The following NKAIN3 variants were observed in gnomAD, a reference collection of about 807,000 sequenced individuals.
NKAIN3 encodes the protein sodium/potassium-transporting ATPase subunit beta-1-interacting protein 3.
A neutral mutation model predicts 30.2 loss-of-function variants in NKAIN3; 25 were observed. The observed-to-expected ratio is 0.83, with a 90% confidence interval of 0.60 to 1.16. The LOEUF is 1.16. Ranked by LOEUF, NKAIN3 falls within the 50% of genes most tolerant of loss-of-function variation. The pLI, the probability that NKAIN3 is intolerant of heterozygous loss-of-function variation, is 0.00. For synonymous variants in NKAIN3, 91 were observed against 89.6 expected, an observed-to-expected ratio of 1.02 and a Z score of -0.09; for missense variants, 225 against 254.1, an observed-to-expected ratio of 0.89 and a Z score of 0.78.
intron 1 of NKAIN3, among the ~76,000 whole-genome samples, chr8:62,440,903 T>A (rs982183557): frequency 6.6e-6 from 1 of 152,124 alleles, no homozygotes; most frequent in Non-Finnish European, 1.5e-5. Flanking sequence ...ATATCCTAAT[T>A]TGTTTCGACT....
Position 62,579,640 on chromosome 8 carries a change from T to A in NKAIN3, c.156T>A (p.Phe52Leu). 1 of 1,609,204 alleles carries A rather than the reference T, an allele frequency of 6.2e-7. No homozygotes were observed. ...LHIIVVILGL[F>L]GTIQYRPRYI... ...TAATAGTTGTCATATTGGGTTTGTTTGGGACCATTCAGTACAGACCTCGAT... is the reference window on the plus strand; with the variant it reads ...TAATAGTTGTCATATTGGGTTTGTTAGGGACCATTCAGTACAGACCTCGAT... The change falls in exon 2 of 7, where the codon TTT becomes TTA. Residue 52 changes from phenylalanine to leucine, a missense_variant. Phe to Leu is a conservative substitution (Grantham distance 22). Transcript: ENST00000623646.
chr8:62,791,007 G>GGTC (rs1178165029), intron 4 of NKAIN3, among the ~76,000 whole-genome samples: 1 of 152,004 alleles, frequency 6.6e-6, no homozygotes, highest in Non-Finnish European at 1.5e-5. Context: ...GGACTAAATA[G>GGTC]GTCTTTTCTC....
At chr8:62,921,958 A>G (rs1442506860) in intron 5 of NKAIN3, among the ~76,000 whole-genome samples, 1 of 152,162 alleles carries the variant, frequency 6.6e-6, no homozygotes, top group Non-Finnish European at 1.5e-5. Flanking sequence ...TGTTGCTAGC[A>G]CTACTTCTTC....
chr8:62,377,553 T>C (rs1416762796), intron 1 of NKAIN3, among the ~76,000 whole-genome samples: 2 of 152,016 alleles, frequency 1.3e-5, no homozygotes, highest in Non-Finnish European at 2.9e-5. Context: ...AGTGATATGG[T>C]TTGGATTTCT....
chr8:62,619,071 A>G (rs1811546594), intron 3 of NKAIN3, among the ~76,000 whole-genome samples: 1 of 152,162 alleles, frequency 6.6e-6, no homozygotes, highest in Non-Finnish European at 1.5e-5. Context: ...ACTTGGAGAA[A>G]TCGGATCCTA....
At chr8:62,691,615 A>C (rs1357040813) in intron 3 of NKAIN3, among the ~76,000 whole-genome samples, 2 of 152,140 alleles carry the variant, frequency 1.3e-5, no homozygotes, top group Admixed American at 1.3e-4. Flanking sequence ...AAATTCTAAA[A>C]TCGTTAATAA....
In NKAIN3 at chr8:62,403,564, G is replaced by T. The variant is rs969098737; in HGVS notation, c.54+154437G>T. Among the ~76,000 whole-genome samples the T allele has an allele frequency of 1.3e-4, 20 of 152,332 alleles. No individual in the cohort carries two copies. The Middle Eastern group carries it at 0.014, about 104-fold the overall frequency. On this transcript the variant is annotated intron_variant, in intron 1 of 6. Coordinates refer to ENST00000623646, the MANE Select transcript of NKAIN3 (RefSeq NM_001304533.3). ...AGTTACAGCTCAGGCCATTGTTTCA[G>T]AGGGTGCAAGCCCCAAGCCTTGGCA...
At position 62,980,503 on chromosome 8, in the gene NKAIN3, A is replaced by T. The variant is rs572877464; in HGVS notation, c.*15096A>T. The T allele has an allele frequency of 3.9e-5, 6 of 152,314 alleles. No individual in the cohort carries two copies. The East Asian group carries it at 1.2e-3, about 29-fold the overall frequency. The allele number at this position is 152,314 out of a possible 1,614,324, so 9.4% of individuals were successfully genotyped here. A position where few individuals can be genotyped will look rare whatever the true frequency, so the allele number is the denominator to read the frequency against. Reference sequence around the variant, plus strand: ...AAGAGTACGACATACGTAAATGTTGATTAGCTTTCTGGTTCCTTCATCAAA... The same window carrying T: ...AAGAGTACGACATACGTAAATGTTGTTTAGCTTTCTGGTTCCTTCATCAAA... On this transcript the variant is annotated 3_prime_UTR_variant, in exon 7 of 7. Coordinates refer to ENST00000623646, the MANE Select transcript of NKAIN3 (RefSeq NM_001304533.3).
intron 1 of NKAIN3, among the ~76,000 whole-genome samples, chr8:62,525,296 GA>G (rs1808269374): frequency 6.6e-6 from 1 of 152,104 alleles, no homozygotes; most frequent in African/African-American, 2.4e-5. Flanking sequence ...TGAGTAGTGG[GA>G]GGAGGAGGAG....
chr8:62,991,363 C>G (rs1374286399), intron 5 of NKAIN3, among the ~76,000 whole-genome samples: 3 of 152,204 alleles, frequency 2.0e-5, no homozygotes, highest in African/African-American at 7.2e-5. Flanking sequence ...CTGCATGTAT[C>G]TTTAAAAACC....
intron 3 of NKAIN3, among the ~76,000 whole-genome samples, chr8:62,658,393 C>T (rs776691888): frequency 2.0e-5 from 3 of 152,138 alleles, no homozygotes; most frequent in Non-Finnish European, 4.4e-5. Flanking sequence ...ATTTTGTTTA[C>T]TTGTTTGCTT....
intron 1 of NKAIN3, among the ~76,000 whole-genome samples, chr8:62,550,425 TG>T (rs1809165409): frequency 6.6e-6 from 1 of 152,172 alleles, no homozygotes; most frequent in Admixed American, 6.6e-5. Flanking sequence ...GTGTGTGTGG[TG>T]GGGGAGGGAG....
At chr8:62,988,332 G>A (rs940023872), downstream of NKAIN3, among the ~76,000 whole-genome samples, 1 of 152,252 alleles carries the variant, frequency 6.6e-6, no homozygotes, top group Non-Finnish European at 1.5e-5. Flanking sequence ...GGCACCTTGT[G>A]TGAGGGCTCC....
chr8:62,496,299 A>G (rs561201690), intron 1 of NKAIN3, among the ~76,000 whole-genome samples: 54 of 152,214 alleles, frequency 3.5e-4, no homozygotes, highest in African/African-American at 1.3e-3. Context: ...AAACTGATGG[A>G]GCCAAGATTC....
At chr8:62,644,157 T>C (rs1419706274) in intron 3 of NKAIN3, among the ~76,000 whole-genome samples, 2 of 152,234 alleles carry the variant, frequency 1.3e-5, no homozygotes, top group African/African-American at 4.8e-5. Context: ...TGGTTCTTTC[T>C]GGCTAAACTC....
chr8:62,746,930 AG>A lies in NKAIN3; in HGVS notation c.274del. The A allele has an allele frequency of 6.3e-7, 1 of 1,595,566 alleles. No homozygotes were observed. The highest frequency in any genetic ancestry group is 8.6e-7 in the Non-Finnish European group (1 of 1,164,830). On this transcript the variant is annotated splice_acceptor_variant, in intron 3 of 6. Transcript: ENST00000623646. LOFTEE classifies it high-confidence loss of function. ...TTGCTCTTTTGTCTCCTACCCACCT[AG>A]GACACCGATCTAATGACATTCAATA...
chr8:62,695,816 C>T (rs1339929705), intron 3 of NKAIN3, among the ~76,000 whole-genome samples: 1 of 152,142 alleles, frequency 6.6e-6, no homozygotes, highest in Non-Finnish European at 1.5e-5. Flanking sequence ...TCTAAGAGCA[C>T]TGAGGGTAGT....
chr8:62,584,051 G>A (rs1417801726), intron 2 of NKAIN3, among the ~76,000 whole-genome samples: 5 of 152,082 alleles, frequency 3.3e-5, no homozygotes, highest in Admixed American at 6.6e-5. Flanking sequence ...AATGAATGTG[G>A]CATATGTCCC....
At chr8:62,711,823 C>T (rs1456582830) in intron 3 of NKAIN3, among the ~76,000 whole-genome samples, 8 of 152,120 alleles carry the variant, frequency 5.3e-5, no homozygotes, top group Non-Finnish European at 1.0e-4. Context: ...CCTTGTTTTT[C>T]ATATTACCAG....
Sources: allele counts gnomAD v4.1 joint callset (sites outside exome capture counted in the v4.1 genomes callset), GRCh38; gene constraint gnomAD v4.1.1; transcripts MANE v1.5; gene names NCBI Gene and HGNC (gene_info 2026-07-23, HGNC 2026-07-21).